The following SIK3 variants were observed in gnomAD, a reference collection of about 807,000 sequenced individuals.
The protein encoded by SIK3 is serine/threonine-protein kinase SIK3.
Under a neutral mutation model 144.2 loss-of-function variants are expected in SIK3, and 28 were observed. The ratio of observed to expected loss-of-function variants is 0.19; its 90% CI spans 0.14 to 0.27. The LOEUF is 0.27. SIK3 is among the 10% of genes least tolerant of loss of function. SIK3 has a pLI of 1.00. For synonymous variants in SIK3, 686 were observed against 676.3 expected (o/e 1.01, Z -0.22); for missense variants, 1,319 against 1,776.0 (o/e 0.74, Z 4.62).
intron 1 of SIK3, among the ~76,000 whole-genome samples, chr11:117,048,239 A>G (rs559675448): frequency 7.9e-5 from 12 of 152,368 alleles, no homozygotes; most frequent in African/African-American, 2.9e-4. Context: ...ATTTATGCAA[A>G]TAATGGCAAA....
chr11:116,844,846 G>C lies in SIK3; in HGVS notation c.*797C>G, dbSNP rs1941830904. The stretch of plus-strand genomic sequence containing the variant: ...GATGATAAAGGCAACCAACTTTCCA[G>C]GTTACAAGAGGGGAGCTGAGTTATC... On this transcript the variant is annotated 3_prime_UTR_variant, in exon 25 of 25. Transcript: ENST00000445177. The C allele has an allele frequency of 6.6e-6, 1 of 151,136 alleles. No homozygotes were observed. Among genetic ancestry groups the C allele is most frequent in the Admixed American group, 6.7e-5 (1 of 15,026 alleles). The allele number at this position is 151,136 out of a possible 1,614,324, so 9.4% of individuals were successfully genotyped here.
At chr11:116,908,851 A>T (rs1229623304) in intron 4 of SIK3, among the ~76,000 whole-genome samples, 1 of 152,190 alleles carries the variant, frequency 6.6e-6, no homozygotes, top group Non-Finnish European at 1.5e-5. Flanking sequence ...AAACCTAAAA[A>T]CACACACCAT....
chr11:116,928,445 G>A (rs1947404748), intron 3 of SIK3, among the ~76,000 whole-genome samples: 1 of 152,156 alleles, frequency 6.6e-6, no homozygotes, highest in Non-Finnish European at 1.5e-5. Flanking sequence ...TGAGACAGTA[G>A]GAAAGTGAAA....
chr11:116,868,734 T>G (rs1591421800), intron 14 of SIK3: 1 of 152,564 alleles, frequency 6.6e-6, no homozygotes, highest in East Asian at 1.9e-4. Context: ...CATGAAATGT[T>G]TAGTTAGGGA....
At chr11:116,891,523 T>C (rs1459085385) in intron 6 of SIK3, among the ~76,000 whole-genome samples, 2 of 152,164 alleles carry the variant, frequency 1.3e-5, no homozygotes, top group African/African-American at 2.4e-5. Context: ...TAAAATGTAC[T>C]TTTTTCTTAT....
At chr11:117,043,449 T>A (rs1952828972) in intron 1 of SIK3, among the ~76,000 whole-genome samples, 1 of 152,112 alleles carries the variant, frequency 6.6e-6, no homozygotes, top group African/African-American at 2.4e-5. Context: ...AGCAAAGTTT[T>A]AAAAAAATAC....
chr11:116,873,368 G>A, intron 13 of SIK3, 113 bp downstream of exon 13: 1 of 1,429,490 alleles, frequency 7.0e-7, no homozygotes, highest in Non-Finnish European at 9.7e-7. Flanking sequence ...CCTAAGTTTG[G>A]AGAAAAAGGA....
At chr11:116,847,029 T>A (rs1379128230) in intron 23 of SIK3, among the ~76,000 whole-genome samples, 2 of 152,144 alleles carry the variant, frequency 1.3e-5, no homozygotes, top group Non-Finnish European at 2.9e-5. Context: ...CAGATGAGGA[T>A]CTCGGGGTCC....
At chr11:117,039,942 G>C (rs1335746892) in intron 1 of SIK3, among the ~76,000 whole-genome samples, 3 of 152,198 alleles carry the variant, frequency 2.0e-5, no homozygotes, top group African/African-American at 4.8e-5. Flanking sequence ...GCAGGTTCTA[G>C]TGTATAAATA....
intron 6 of SIK3, among the ~76,000 whole-genome samples, chr11:116,882,301 A>C (rs1944590412): frequency 6.6e-6 from 1 of 152,216 alleles, no homozygotes; most frequent in Non-Finnish European, 1.5e-5. Flanking sequence ...ACTGTGGTAG[A>C]GCAAACTTAT....
intron 1 of SIK3, among the ~76,000 whole-genome samples, chr11:116,963,870 C>T (rs1949433017): frequency 6.6e-6 from 1 of 152,154 alleles, no homozygotes; most frequent in African/African-American, 2.4e-5. Flanking sequence ...TTAAAATTTA[C>T]TAGAAAATAG....
chr11:116,979,841 C>T (rs1376919788), intron 1 of SIK3, among the ~76,000 whole-genome samples: 1 of 151,952 alleles, frequency 6.6e-6, no homozygotes, highest in Non-Finnish European at 1.5e-5. Flanking sequence ...AGCAAGACTC[C>T]ATCTCCAACA....
Position 117,098,137 on chromosome 11 carries a change from C to T in SIK3, c.273+6G>A, listed in dbSNP as rs1298213869. 2 of 1,483,916 alleles carry T rather than the reference C, an allele frequency of 1.3e-6. No individual in the cohort carries two copies. The highest frequency in any genetic ancestry group is 1.8e-6 in the Non-Finnish European group (2 of 1,115,028). 91.9% of individuals were successfully genotyped at this position (1,483,916 alleles called of 1,614,324 possible). A position where few individuals can be genotyped will look rare whatever the true frequency, so the allele number is the denominator to read the frequency against. ...TCCGACTGCCGCCTGGCCCCTGCGCCGGTACCTTGGCCTTGGTGACGAGGT... is the reference window on the plus strand; with the variant it reads ...TCCGACTGCCGCCTGGCCCCTGCGCTGGTACCTTGGCCTTGGTGACGAGGT... On this transcript the variant is annotated splice_donor_region_variant and intron_variant, in intron 1 of 24. Transcript: ENST00000445177.
intron 7 of SIK3, 45 bp downstream of exon 7, chr11:116,876,879 A>G: frequency 6.7e-7 from 1 of 1,491,566 alleles, no homozygotes. Flanking sequence ...AGGAGGCTGC[A>G]GCAGCTTTCA....
At chr11:116,937,737 C>T (rs77136879) in intron 3 of SIK3, among the ~76,000 whole-genome samples, 11,033 of 152,166 alleles carry the variant, frequency 0.073, 490 homozygotes, top group Middle Eastern at 0.11. Flanking sequence ...AGTAAAAATG[C>T]TGAAATCTTA....
intron 1 of SIK3, among the ~76,000 whole-genome samples, chr11:117,097,831 G>C (rs983124208): frequency 6.6e-6 from 1 of 151,516 alleles, no homozygotes; most frequent in Non-Finnish European, 1.5e-5. Flanking sequence ...CCCGGCCCTC[G>C]GGGAGTTCCG....
chr11:116,949,471 G>A (rs1443895508), intron 3 of SIK3, among the ~76,000 whole-genome samples: 2 of 152,158 alleles, frequency 1.3e-5, no homozygotes, highest in Non-Finnish European at 2.9e-5. Context: ...TCAAATTCTG[G>A]TTCCTTTGAA....
chr11:117,048,795 C>T (rs17120244), intron 1 of SIK3, among the ~76,000 whole-genome samples: 44,131 of 151,796 alleles, frequency 0.29, 7,852 homozygotes, highest in African/African-American at 0.51. Flanking sequence ...TGTCAGAACC[C>T]ACGTCCTTTA....
intron 15 of SIK3, 42 bp from the exon 16 acceptor site, chr11:116,863,860 G>C: frequency 3.3e-6 from 5 of 1,530,770 alleles, no homozygotes; most frequent in Non-Finnish European, 4.4e-6. Flanking sequence ...AGGACTCAGG[G>C]GCTTTGACCA....
Sources: allele counts gnomAD v4.1 joint callset (sites outside exome capture counted in the v4.1 genomes callset), GRCh38; gene constraint gnomAD v4.1.1; transcripts MANE v1.5; gene names NCBI Gene and HGNC (gene_info 2026-07-23, HGNC 2026-07-21).